AP3B1: variants seen among roughly 807,000 people sequenced by gnomAD.
AP3B1 encodes the protein AP-3 complex subunit beta-1.
AP3B1 carries 61 observed loss-of-function variants against 132.5 expected under a neutral mutation model. The observed-to-expected ratio is 0.46, with a 90% CI of 0.37 to 0.57. The LOEUF is 0.57. Among genes scored for constraint, AP3B1 ranks in the 20% least tolerant of loss-of-function variants. AP3B1 has a pLI of 0.00. For missense variants in AP3B1, 1,120 were observed against 1,289.4 expected, an observed-to-expected ratio of 0.87 and a Z score of 2.01; for synonymous variants, 388 against 438.3, an observed-to-expected ratio of 0.89 and a Z score of 1.43.
intron 21 of AP3B1, among the ~76,000 whole-genome samples, chr5:78,091,067 G>A (rs569652263): frequency 2.0e-5 from 3 of 151,860 alleles, no homozygotes; most frequent in South Asian, 2.1e-4. Context: ...GATTACAGGC[G>A]TGTGCCACAA....
At chr5:78,252,711 C>T (rs1394659433) in intron 2 of AP3B1, among the ~76,000 whole-genome samples, 1 of 152,158 alleles carries the variant, frequency 6.6e-6, no homozygotes, top group African/African-American at 2.4e-5. Flanking sequence ...TACAACAGAA[C>T]ACTAGGTAGA....
rs187341965 is a variant in AP3B1, at chr5:78,163,580, T to C, written c.1231-629A>G. On this transcript the variant is annotated intron_variant, in intron 12 of 26. Coordinates refer to ENST00000255194, the MANE Select transcript of AP3B1 (RefSeq NM_003664.5). ...TTAAAAATATACTGTAAAGGGTATA[T>C]GTGTGTGTGTGTATATATATATATG... Among the ~76,000 whole-genome samples the C allele has an allele frequency of 1.1e-3, 166 of 145,340 alleles. 1 individual carries two copies. The highest frequency in any genetic ancestry group is 4.3e-3 in the African/African-American group (164 of 38,024).
chr5:78,117,082 G>T lies in AP3B1; in HGVS notation c.1969-848C>A, dbSNP rs1302085281. On this transcript the variant is annotated intron_variant, in intron 17 of 26. Transcript: ENST00000255194. ...CTCTTGCCTGATCTGCTCTGGCCAT[G>T]CCTTACTGTTCCTCCAAACGTCCCA... Among the ~76,000 whole-genome samples, 3 of 151,038 alleles carry T rather than the reference G, an allele frequency of 2.0e-5. No individual in the cohort carries two copies. The East Asian group carries it at 5.8e-4, about 29-fold the overall frequency.
chr5:78,169,710 G>A (rs1442951033), intron 11 of AP3B1, among the ~76,000 whole-genome samples: 1 of 151,686 alleles, frequency 6.6e-6, no homozygotes. Context: ...ATACAGGCAT[G>A]AGCCACTGTG....
At chr5:78,078,313 A>G (rs1398013633) in intron 22 of AP3B1, among the ~76,000 whole-genome samples, 1 of 152,132 alleles carries the variant, frequency 6.6e-6, no homozygotes, top group African/African-American at 2.4e-5. Context: ...AAGTTACCAA[A>G]TTCTTCCTTT....
intron 6 of AP3B1, among the ~76,000 whole-genome samples, chr5:78,224,403 CAT>C (rs1473099418): frequency 2.6e-5 from 4 of 151,872 alleles, no homozygotes; most frequent in Non-Finnish European, 5.9e-5. Context: ...TTCACTAGAA[CAT>C]ATTCACTTAA....
intron 24 of AP3B1, among the ~76,000 whole-genome samples, chr5:78,027,892 G>A (rs1172456967): frequency 1.3e-5 from 2 of 152,118 alleles, no homozygotes; most frequent in African/African-American, 2.4e-5. Flanking sequence ...TTGGGAGGCC[G>A]AGGCGGGCAG....
At chr5:78,188,366 G>A (rs1376543111) in intron 7 of AP3B1, among the ~76,000 whole-genome samples, 3 of 152,026 alleles carry the variant, frequency 2.0e-5, no homozygotes, top group African/African-American at 7.2e-5. Flanking sequence ...GAACCTACAA[G>A]AAACTTAAGC....
intron 1 of AP3B1, among the ~76,000 whole-genome samples, chr5:78,286,167 C>T (rs938466335): frequency 2.0e-5 from 3 of 152,202 alleles, no homozygotes; most frequent in Non-Finnish European, 4.4e-5. Context: ...TTCTTGACCA[C>T]ATTCTCAACC....
intron 1 of AP3B1, among the ~76,000 whole-genome samples, chr5:78,271,513 A>G (rs1286821887): frequency 6.6e-6 from 1 of 152,194 alleles, no homozygotes; most frequent in Non-Finnish European, 1.5e-5. Context: ...TCACAAGATT[A>G]AAAAGAAAAA....
chr5:78,217,042 T>A (rs1279897820), intron 6 of AP3B1, among the ~76,000 whole-genome samples: 3 of 152,150 alleles, frequency 2.0e-5, no homozygotes, highest in Admixed American at 6.6e-5. Flanking sequence ...ATGATATATG[T>A]GCAGTTAGCC....
intron 12 of AP3B1, among the ~76,000 whole-genome samples, chr5:78,164,811 C>A (rs1371023258): frequency 1.3e-5 from 2 of 151,920 alleles, no homozygotes; most frequent in Non-Finnish European, 2.9e-5. Flanking sequence ...TATACAGTGT[C>A]TTATAACCAA....
intron 22 of AP3B1, among the ~76,000 whole-genome samples, chr5:78,072,995 C>T (rs150032966): frequency 2.5e-3 from 386 of 152,208 alleles, no homozygotes; most frequent in African/African-American, 9.0e-3. Flanking sequence ...GCTGGGATTA[C>T]AGGCGTGAGC....
intron 24 of AP3B1, among the ~76,000 whole-genome samples, chr5:78,030,112 T>A (rs1358562222): frequency 6.6e-6 from 1 of 152,174 alleles, no homozygotes; most frequent in African/African-American, 2.4e-5. Context: ...GTTTTATTAA[T>A]TCTATGTTTT....
At chr5:78,082,783 T>C (rs1362303881) in intron 22 of AP3B1, among the ~76,000 whole-genome samples, 1 of 152,166 alleles carries the variant, frequency 6.6e-6, no homozygotes, top group Non-Finnish European at 1.5e-5. Context: ...TATATCTCCA[T>C]TATGGTATTA....
chr5:78,191,356 A>C (rs200473643), intron 7 of AP3B1, among the ~76,000 whole-genome samples: 32 of 88,890 alleles, frequency 3.6e-4, no homozygotes, highest in East Asian at 1.5e-3. Context: ...CTTTTCCCCA[A>C]AAAAAAAAAA....
intron 7 of AP3B1, among the ~76,000 whole-genome samples, chr5:78,200,268 GA>G (rs1326375548): frequency 6.6e-6 from 1 of 152,040 alleles, no homozygotes; most frequent in African/African-American, 2.4e-5. Flanking sequence ...GTGTGTAACA[GA>G]AGGGTTCAAG....
At chr5:78,100,199 C>T (rs937884009) in intron 21 of AP3B1, among the ~76,000 whole-genome samples, 2 of 152,036 alleles carry the variant, frequency 1.3e-5, no homozygotes, top group South Asian at 2.1e-4. Flanking sequence ...ACAGTATAAA[C>T]AGAACAGATC....
chr5:78,019,485 T>C (rs545404784), intron 25 of AP3B1, among the ~76,000 whole-genome samples: 25 of 152,228 alleles, frequency 1.6e-4, no homozygotes, highest in African/African-American at 5.1e-4. Flanking sequence ...GCTGAGCAGA[T>C]GTAAAGCAGA....
Sources: allele counts gnomAD v4.1 joint callset (sites outside exome capture counted in the v4.1 genomes callset), GRCh38; gene constraint gnomAD v4.1.1; transcripts MANE v1.5; gene names NCBI Gene and HGNC (gene_info 2026-07-23, HGNC 2026-07-21).